TEX15: variants seen among roughly 807,000 people sequenced by gnomAD.
The protein encoded by TEX15 is testis expressed 15, meiosis and synapsis associated.
TEX15 carries 171 observed loss-of-function variants against 237.3 expected under a neutral mutation model. The ratio of observed to expected loss-of-function variants is 0.72; its 90% CI spans 0.64 to 0.82. The LOEUF is 0.82. Among genes scored for constraint, TEX15 ranks in the 40% least tolerant of loss-of-function variants. TEX15 has a pLI of 0.00. For synonymous variants in TEX15, 1,338 were observed against 1,269.8 expected (o/e 1.05, Z -1.14); for missense variants, 3,750 against 3,646.5 (o/e 1.03, Z -0.73).
At chr8:30,881,370 T>G (rs531985367) in intron 3 of TEX15, among the ~76,000 whole-genome samples, 7 of 152,264 alleles carry the variant, frequency 4.6e-5, no homozygotes, top group African/African-American at 1.7e-4. Flanking sequence ...TTTCTAACCA[T>G]GAATTACATT....
chr8:30,891,562 C>T (rs1218258777), intron 2 of TEX15, among the ~76,000 whole-genome samples: 1 of 151,948 alleles, frequency 6.6e-6, no homozygotes, highest in Non-Finnish European at 1.5e-5. Context: ...ACACTGCAAC[C>T]TCTGTCTCCT....
Position 30,842,378 on chromosome 8 carries a change from T to G in TEX15, c.7789A>C (p.Asn2597His), listed in dbSNP as rs938945962. ...TCTTTCCTAGGGGCAGACATTACAT[T>G]CTTCAGCAGTGTAGAAAATTGATTG... ...NYNQFSTLLK[N>H]VMSAPRKDLG... Residue 2597 changes from asparagine to histidine, a missense_variant, in exon 8 of 11, where the codon AAT becomes CAT. Asn to His is a moderately conservative substitution (Grantham distance 68, BLOSUM62 1). Coordinates refer to ENST00000643185, the MANE Select transcript of TEX15 (RefSeq NM_001350162.2). The G allele has an allele frequency of 1.9e-6, 3 of 1,613,754 alleles. No individual in the cohort carries two copies. The highest frequency in any genetic ancestry group is 3.3e-4 in the Middle Eastern group (2 of 6,056).
chr8:30,895,676 C>CTTTTTTT (rs34002027), intron 2 of TEX15, among the ~76,000 whole-genome samples: 839 of 60,052 alleles, frequency 0.014, 157 homozygotes, highest in African/African-American at 0.045. Flanking sequence ...TAAACACATG[C>CTTTTTTT]TTTTTTTTTT....
At chr8:30,841,375 AC>A (rs1807449216) in intron 8 of TEX15, among the ~76,000 whole-genome samples, 1 of 152,034 alleles carries the variant, frequency 6.6e-6, no homozygotes, top group Non-Finnish European at 1.5e-5. Context: ...AAATTCTGTG[AC>A]CCCAGGATAG....
chr8:30,897,102 T>C (rs1350372455), intron 2 of TEX15, among the ~76,000 whole-genome samples: 1 of 152,356 alleles, frequency 6.6e-6, no homozygotes, highest in South Asian at 2.1e-4. Flanking sequence ...AAAATTTTTT[T>C]GAAAGGATTT....
Position 30,887,329 on chromosome 8 carries a change from T to C in TEX15, c.-9-18A>G. ...TTGTTGGCCTAAAATCAACCCAAGG[T>C]TATTAAGCAAAAAGGTCAATAAATA... On this transcript the variant is annotated intron_variant, in intron 2 of 10. Transcript: ENST00000643185. 6.6e-7 allele frequency: 1 copy of C among 1,513,796 alleles called. No homozygotes were observed. Among genetic ancestry groups the C allele is most frequent in the Non-Finnish European group, 8.8e-7 (1 of 1,138,320 alleles). The allele number at this position is 1,513,796 out of a possible 1,614,324, so 93.8% of individuals were successfully genotyped here.
intron 2 of TEX15, among the ~76,000 whole-genome samples, chr8:30,895,737 G>C (rs1413791040): frequency 1.5e-5 from 2 of 134,960 alleles, no homozygotes; most frequent in African/African-American, 5.7e-5. Context: ...CTGGAGTGCA[G>C]TGGTGCGATC....
In TEX15 at chr8:30,845,930, G is replaced by T. The variant is rs982208266; in HGVS notation, c.4237C>A (p.Pro1413Thr). The T allele has an allele frequency of 1.2e-6, 2 of 1,613,270 alleles. No homozygotes were observed. The highest frequency in any genetic ancestry group is 1.7e-6 in the Non-Finnish European group (2 of 1,179,588). ...TTGCATATTATTGCATATGATTTTG[G>T]TAATGGGCCCTTTCTTTCTTCTCCT... ...KVGEERKGPLPKSYAIICNNF... is the reference protein window; with the variant it reads ...KVGEERKGPLTKSYAIICNNF... The change falls in exon 8 of 11, where the codon CCA becomes ACA. Residue 1413 changes from proline to threonine, a missense_variant. By Grantham distance (38) the Pro-to-Thr change is conservative. Coordinates refer to ENST00000643185, the MANE Select transcript of TEX15 (RefSeq NM_001350162.2).
At chr8:30,834,917 C>T (rs574887361) in intron 10 of TEX15, among the ~76,000 whole-genome samples, 1 of 152,178 alleles carries the variant, frequency 6.6e-6, no homozygotes, top group Non-Finnish European at 1.5e-5. Flanking sequence ...CTATGTCCTA[C>T]GGCCTCTCAG....
rs753891563 is a variant in TEX15 at position 30,848,108 on chromosome 8, CTT to C, written c.2057_2058del (p.Gln686ArgfsTer15). 1.2e-6 allele frequency: 2 copies of C among 1,609,750 alleles called. No individual in the cohort carries two copies. The highest frequency in any genetic ancestry group is 1.7e-6 in the Non-Finnish European group (2 of 1,178,004). ...GTAGAAGATTTTGTTATTTCTAACT[CTT>C]GAGTAATTAATATTTTATCACAGCT... Reference protein sequence around the residue: ...GKSCDKILITQELEITKSSTS... With the variant: ...GKSCDKILITXELEITKSSTS... On this transcript the variant is annotated frameshift_variant, in exon 8 of 11. Transcript: ENST00000643185. LOFTEE classifies it high-confidence loss of function.
intron 4 of TEX15, 111 bp downstream of exon 4, chr8:30,874,826 T>G: frequency 1.6e-6 from 1 of 614,378 alleles, no homozygotes; most frequent in Non-Finnish European, 2.4e-6. Flanking sequence ...ATAATCTGTG[T>G]TTTCTTAGTA....
At position 30,846,319 on chromosome 8, in the gene TEX15, T is replaced by A; in HGVS notation, c.3848A>T (p.Lys1283Ile). Residue 1283 changes from lysine to isoleucine, a missense_variant, in exon 8 of 11, where the codon AAA (lysine) becomes ATA (isoleucine). By Grantham distance (102) the Lys-to-Ile change is moderately radical. Transcript: ENST00000643185. ...DGSRCFFTKS[K>I]TDYNDTKNKK... ...ATTTTTGGTATCATTATAGTCAGTT[T>A]TTGATTTTGTAAAGAAACATCTGCT... The A allele has an allele frequency of 6.2e-7, 1 of 1,612,868 alleles. No homozygotes were observed. The highest frequency in any genetic ancestry group is 8.5e-7 in the Non-Finnish European group (1 of 1,179,608).
intron 2 of TEX15, among the ~76,000 whole-genome samples, chr8:30,894,899 C>T (rs371975762): frequency 6.6e-6 from 1 of 152,108 alleles, no homozygotes; most frequent in South Asian, 2.1e-4. Flanking sequence ...GTAGCTTCCA[C>T]CATGTGAAGA....
Position 30,837,676 on chromosome 8 carries a change from G to GA in TEX15, c.8607dup (p.Pro2870SerfsTer9). 6.2e-7 allele frequency: 1 copy of GA among 1,613,990 alleles called. No homozygotes were observed. The highest frequency in any genetic ancestry group is 8.5e-7 in the Non-Finnish European group (1 of 1,179,988). On this transcript the variant is annotated frameshift_variant, in exon 10 of 11. Coordinates refer to ENST00000643185, the MANE Select transcript of TEX15 (RefSeq NM_001350162.2). LOFTEE classifies it high-confidence loss of function. ...TCAGAAAGGCAGGATTTTTGGGTGG[G>GA]ATCTGGGGAATTTTTAAGAAATTTC...
rs1807183328 is a variant in TEX15, at chr8:30,831,728, T to C, written c.*1558A>G. 1 of 152,202 alleles carries C rather than the reference T, an allele frequency of 6.6e-6. No individual in the cohort carries two copies. Among genetic ancestry groups the C allele is most frequent in the Non-Finnish European group, 1.5e-5 (1 of 68,036 alleles). 9.4% of individuals were successfully genotyped at this position (152,202 alleles called of 1,614,324 possible). The stretch of plus-strand genomic sequence containing the variant: ...AATCCTTAACTAGAATATTTAACTT[T>C]TGGTTTACATATTAGTAGTAGTATT... On this transcript the variant is annotated 3_prime_UTR_variant, in exon 11 of 11. Coordinates refer to ENST00000643185, the MANE Select transcript of TEX15 (RefSeq NM_001350162.2).
chr8:30,871,673 A>G (rs1808294078), intron 4 of TEX15, among the ~76,000 whole-genome samples: 1 of 152,110 alleles, frequency 6.6e-6, no homozygotes, highest in African/African-American at 2.4e-5. Context: ...CCTTCTTCTA[A>G]CACATATACT....
intron 2 of TEX15, among the ~76,000 whole-genome samples, chr8:30,897,312 C>A (rs1253962667): frequency 6.6e-6 from 1 of 152,172 alleles, no homozygotes; most frequent in Non-Finnish European, 1.5e-5. Context: ...GCTCTATCTA[C>A]ATTTTCTCTG....
intron 7 of TEX15, among the ~76,000 whole-genome samples, chr8:30,852,341 C>T (rs1309337291): frequency 6.6e-6 from 1 of 151,916 alleles, no homozygotes; most frequent in Non-Finnish European, 1.5e-5. Context: ...GATCCGCCCG[C>T]CTTGGCCTCC....
rs756894348 is a variant in TEX15, at chr8:30,842,665, T to C, written c.7502A>G (p.Asn2501Ser). ...TTTCCAAAGGCAAACATCTGTTGAG[T>C]TATCTTTAAGAAATGAAAAAGAAGC... ...KMASFSFLKD[N>S]STDVCLWKVI... The change falls in exon 8 of 11, where the codon AAC becomes AGC. Residue 2501 changes from asparagine to serine, a missense_variant. Physicochemically the swap from Asn to Ser is conservative, Grantham distance 46. Transcript: ENST00000643185. The C allele has an allele frequency of 6.2e-7, 1 of 1,612,586 alleles. No individual in the cohort carries two copies. Among genetic ancestry groups the C allele is most frequent in the South Asian group, 1.1e-5 (1 of 91,070 alleles).
Sources: gnomAD v4.1 joint callset for allele counts (sites outside exome capture counted in the v4.1 genomes callset) on GRCh38, gnomAD v4.1.1 for gene constraint, MANE v1.5 for transcripts, NCBI Gene and HGNC (gene_info 2026-07-23, HGNC 2026-07-21) for gene names.